AKAIN1: variants seen among roughly 807,000 people sequenced by gnomAD.
AKAIN1 encodes the protein A-kinase anchor protein inhibitor 1.
AKAIN1 carries 3 observed loss-of-function variants against 3.7 expected under a neutral mutation model. The observed-to-expected ratio is 0.82, with a 90% CI of 0.37 to 2.12. The LOEUF is 2.12. Among genes scored for constraint, AKAIN1 ranks in the 30% most tolerant of loss-of-function variants. AKAIN1 has a pLI of 0.06. For missense variants in AKAIN1, 82 were observed against 82.7 expected (o/e 0.99, Z 0.03); for synonymous variants, 31 against 30.8 (o/e 1.01, Z -0.02).
intron 1 of AKAIN1, among the ~76,000 whole-genome samples, chr18:5,158,814 A>G (rs59980866): frequency 0.061 from 9,312 of 152,212 alleles, 851 homozygotes; most frequent in African/African-American, 0.2. Context: ...TGTTTTAGAG[A>G]CACTGGGTTT....
chr18:5,186,223 G>A (rs757085035), intron 1 of AKAIN1, among the ~76,000 whole-genome samples: 1 of 152,102 alleles, frequency 6.6e-6, no homozygotes, highest in Non-Finnish European at 1.5e-5. Context: ...GCCTACTTGA[G>A]GGTGGAGAGT....
intron 1 of AKAIN1, among the ~76,000 whole-genome samples, chr18:5,192,747 C>A (rs1416407674): frequency 6.6e-6 from 1 of 151,538 alleles, no homozygotes; most frequent in Non-Finnish European, 1.5e-5. Context: ...AAGGCAAATC[C>A]ATGGGGATAG....
chr18:5,197,508 A>AAAAAAAAAAAC, upstream of AKAIN1: 1 of 1,224,648 alleles, frequency 8.2e-7, no homozygotes, highest in Non-Finnish European at 1.0e-6. The surrounding 1 kb of genome is among the most constrained non-coding windows in gnomAD (Gnocchi z 6.9). Context: ...ATTTGTCAAA[A>AAAAAAAAAAAC]AAAAAAAACT....
chr18:5,156,842 G>A (rs1351166219), intron 1 of AKAIN1, among the ~76,000 whole-genome samples: 2 of 152,198 alleles, frequency 1.3e-5, no homozygotes, highest in Admixed American at 1.3e-4. Flanking sequence ...GCAGGCAGAT[G>A]TTGTAAACTA....
In AKAIN1 at chr18:5,143,328, G is replaced by A. The variant is rs1176053165; in HGVS notation, c.*2234C>T. ...CACCTACCTATTGAGGACAGGCATT[G>A]CTGAACCTCCTTTTGTCCTCCCAAC... On this transcript the variant is annotated 3_prime_UTR_variant, in exon 2 of 2. Transcript: ENST00000434239. 6.6e-6 allele frequency among the ~76,000 whole-genome samples: 1 copy of A among 152,198 alleles called. No homozygotes were observed. The highest frequency in any genetic ancestry group is 1.5e-5 in the Non-Finnish European group (1 of 68,038).
At chr18:5,182,469 G>C (rs1167741885) in intron 1 of AKAIN1, among the ~76,000 whole-genome samples, 1 of 151,972 alleles carries the variant, frequency 6.6e-6, no homozygotes, top group African/African-American at 2.4e-5. Context: ...AGGCATATCA[G>C]CAAGCTTGGA....
Position 5,145,866 on chromosome 18 carries a change from AC to A in AKAIN1, c.17-112del, listed in dbSNP as rs879154642. 6 of 855,944 alleles carry A rather than the reference AC, an allele frequency of 7.0e-6. No homozygotes were observed. The South Asian group carries it at 8.4e-5, about 12-fold the overall frequency. 53.0% of individuals were successfully genotyped at this position (855,944 alleles called of 1,614,324 possible). ...GGGAAGAGTGAGACTGTAAGAACAC[AC>A]TGGAGTGGACCAGTTAACTATGAGA... On this transcript the variant is annotated intron_variant, in intron 1 of 1. Coordinates refer to ENST00000434239, the MANE Select transcript of AKAIN1 (RefSeq NM_001145194.2).
intron 1 of AKAIN1, among the ~76,000 whole-genome samples, chr18:5,160,581 T>G (rs541677123): frequency 6.6e-6 from 1 of 152,086 alleles, no homozygotes. Flanking sequence ...CAAATCTGGG[T>G]TTTTTTATTC....
intron 1 of AKAIN1, among the ~76,000 whole-genome samples, chr18:5,150,702 C>T (rs543044421): frequency 4.4e-4 from 67 of 152,168 alleles, no homozygotes; most frequent in Non-Finnish European, 7.6e-4. Flanking sequence ...CTCCCCACCA[C>T]GCCCCTCAGA....
intron 1 of AKAIN1, among the ~76,000 whole-genome samples, chr18:5,157,127 A>G (rs1293081583): frequency 6.6e-6 from 1 of 152,136 alleles, no homozygotes; most frequent in Non-Finnish European, 1.5e-5. Context: ...TATCAATTTT[A>G]TTTTTTAAGT....
intron 1 of AKAIN1, among the ~76,000 whole-genome samples, chr18:5,162,965 T>A (rs2071148112): frequency 6.6e-6 from 1 of 151,798 alleles, no homozygotes; most frequent in Non-Finnish European, 1.5e-5. Flanking sequence ...CAATGAAGAT[T>A]CTCAGGCTCC....
At chr18:5,168,036 C>T (rs780108394) in intron 1 of AKAIN1, among the ~76,000 whole-genome samples, 23 of 152,070 alleles carry the variant, frequency 1.5e-4, no homozygotes, top group Non-Finnish European at 3.4e-4. Flanking sequence ...CCACCATTTC[C>T]TTTCCCTGTA....
chr18:5,158,808 T>C (rs2071122826), intron 1 of AKAIN1, among the ~76,000 whole-genome samples: 1 of 152,190 alleles, frequency 6.6e-6, no homozygotes. Context: ...AGCCCTTGTT[T>C]TAGAGACACT....
Position 5,170,157 on chromosome 18 carries a change from A to G in AKAIN1, c.17-24402T>C, listed in dbSNP as rs182194700. ...GGCAGAAATTCATTTGATCCTATCA[A>G]TCACAAAATAAAGGCAAAATCCAAC... On this transcript the variant is annotated intron_variant, in intron 1 of 1. Coordinates refer to ENST00000434239, the MANE Select transcript of AKAIN1 (RefSeq NM_001145194.2). 5.7e-3 allele frequency among the ~76,000 whole-genome samples: 870 copies of G among 152,284 alleles called. 9 individuals carry two copies. Among genetic ancestry groups the G allele is most frequent in the Non-Finnish European group, 6.0e-3 (408 of 67,996 alleles).
At chr18:5,185,964 G>A (rs570843667) in intron 1 of AKAIN1, among the ~76,000 whole-genome samples, 1 of 152,242 alleles carries the variant, frequency 6.6e-6, no homozygotes, top group South Asian at 2.1e-4. Context: ...TAAACAAAAT[G>A]TGGTATATAT....
chr18:5,162,683 CA>C (rs1490240302), intron 1 of AKAIN1, among the ~76,000 whole-genome samples: 2 of 150,480 alleles, frequency 1.3e-5, no homozygotes, highest in African/African-American at 4.9e-5. Flanking sequence ...GGGCTGATTT[CA>C]AAAGCTACTG....
intron 1 of AKAIN1, among the ~76,000 whole-genome samples, chr18:5,163,005 G>A (rs1485119191): frequency 6.6e-6 from 1 of 151,882 alleles, no homozygotes; most frequent in African/African-American, 2.4e-5. Context: ...CAGTAGGTTT[G>A]GGATTCGGCT....
At chr18:5,160,579 G>A (rs2071133714) in intron 1 of AKAIN1, among the ~76,000 whole-genome samples, 1 of 151,914 alleles carries the variant, frequency 6.6e-6, no homozygotes, top group Non-Finnish European at 1.5e-5. Context: ...ATCAAATCTG[G>A]GTTTTTTTAT....
intron 1 of AKAIN1, among the ~76,000 whole-genome samples, chr18:5,157,406 CT>C (rs1567872782): frequency 1.3e-5 from 2 of 152,306 alleles, no homozygotes; most frequent in Admixed American, 6.5e-5. Context: ...GCTGGAGTAA[CT>C]TTTTCAAAAT....
Sources: allele counts gnomAD v4.1 joint callset (sites outside exome capture counted in the v4.1 genomes callset), GRCh38; gene constraint gnomAD v4.1.1; non-coding constraint Gnocchi (gnomAD v3.1); transcripts MANE v1.5; gene names NCBI Gene and HGNC (gene_info 2026-07-23, HGNC 2026-07-21).